Variants in AGTPBP1 observed in about 807,000 individuals in gnomAD.
AGTPBP1 encodes the protein cytosolic carboxypeptidase 1.
In AGTPBP1, 70 loss-of-function variants were observed where a neutral mutation model predicts 143.9. That is an observed-to-expected ratio of 0.49 (90% CI 0.40 to 0.59). The LOEUF is 0.59. Ranked by LOEUF, AGTPBP1 falls within the 20% of genes least tolerant of loss-of-function variation. The pLI is 0.00. For synonymous variants in AGTPBP1, 463 were observed against 500.2 expected, an observed-to-expected ratio of 0.93 and a Z score of 0.99; for missense variants, 1,229 against 1,464.5, an observed-to-expected ratio of 0.84 and a Z score of 2.62.
intron 25 of AGTPBP1, among the ~76,000 whole-genome samples, chr9:85,573,539 T>C (rs558163842): frequency 1.3e-5 from 2 of 152,160 alleles, no homozygotes; most frequent in East Asian, 3.9e-4. Context: ...GTCTGGGAAG[T>C]GAGGAGCGTC....
chr9:85,781,181 A>G, the AGTPBP1 span: 56 of 1,472,230 alleles, frequency 3.8e-5, no homozygotes, highest in Non-Finnish European at 5.0e-5. Context: ...CTGATTTTAA[A>G]TGCAAATTTT....
the AGTPBP1 span, among the ~76,000 whole-genome samples, chr9:85,795,656 G>A: frequency 1.3e-5 from 2 of 152,122 alleles, no homozygotes; most frequent in African/African-American, 4.8e-5. Context: ...TACTGTGGGA[G>A]TATGGAGGAA....
At chr9:85,805,424 T>C in the AGTPBP1 span, 2 of 152,260 alleles carry the variant, frequency 1.3e-5, no homozygotes, top group African/African-American at 2.4e-5. Flanking sequence ...GACCCGTTAG[T>C]GCCCAGCCTG....
At chr9:85,616,525 TA>T (rs922434592) in intron 17 of AGTPBP1, among the ~76,000 whole-genome samples, 1 of 151,964 alleles carries the variant, frequency 6.6e-6, no homozygotes, top group African/African-American at 2.4e-5. Flanking sequence ...ATATAGTTAG[TA>T]AAAATGCAAT....
At chr9:85,657,356 T>G (rs1833585695) in intron 10 of AGTPBP1, 79 bp downstream of exon 10, 1 of 1,235,566 alleles carries the variant, frequency 8.1e-7, no homozygotes, top group African/African-American at 1.5e-5. Context: ...TCTGAGTATT[T>G]GCACACTAAT....
At chr9:85,558,667 A>G (rs1041966415) in intron 25 of AGTPBP1, among the ~76,000 whole-genome samples, 1 of 152,264 alleles carries the variant, frequency 6.6e-6, no homozygotes. Flanking sequence ...AGGCTGGAGT[A>G]CAATACAACG....
the AGTPBP1 span, among the ~76,000 whole-genome samples, chr9:85,784,875 T>C: frequency 2.6e-5 from 4 of 152,232 alleles, no homozygotes; most frequent in East Asian, 1.9e-4. Flanking sequence ...TTAACTCTTA[T>C]AGTTTTTCTA....
intron 10 of AGTPBP1, among the ~76,000 whole-genome samples, chr9:85,656,591 A>G (rs62569181): frequency 0.017 from 2,531 of 152,220 alleles, 25 homozygotes; most frequent in Middle Eastern, 0.051. Flanking sequence ...CTTTCTAATA[A>G]TTATAGCTTT....
chr9:85,580,330 T>C (rs1282009879), intron 23 of AGTPBP1, among the ~76,000 whole-genome samples: 2 of 152,216 alleles, frequency 1.3e-5, no homozygotes, highest in East Asian at 1.9e-4. Flanking sequence ...TTTATCATAT[T>C]TGTTAATTTC....
intron 8 of AGTPBP1, among the ~76,000 whole-genome samples, chr9:85,667,270 G>C (rs577966949): frequency 6.6e-6 from 1 of 152,056 alleles, no homozygotes; most frequent in Non-Finnish European, 1.5e-5. Context: ...ATAGTCATAT[G>C]TGCAAGTAAG....
chr9:85,660,708 T>C (rs899439611), intron 9 of AGTPBP1, among the ~76,000 whole-genome samples: 2 of 152,154 alleles, frequency 1.3e-5, no homozygotes, highest in Non-Finnish European at 2.9e-5. Context: ...TCAATGTGCT[T>C]GACTAAATTA....
rs1397852452 is a variant in AGTPBP1 at position 85,585,446 on chromosome 9, T to A, written c.3165+17A>T. On this transcript the variant is annotated intron_variant, in intron 23 of 25. Coordinates refer to ENST00000357081, the MANE Select transcript of AGTPBP1 (RefSeq NM_001330701.2). ...TGTTTGAAATTCAAAAACTTATGAA[T>A]CATCTGTAATAATTACCCTGTATCC... The A allele has an allele frequency of 6.4e-7, 1 of 1,562,708 alleles. No homozygotes were observed. The highest frequency in any genetic ancestry group is 8.6e-7 in the Non-Finnish European group (1 of 1,156,172).
chr9:85,721,361 A>G (rs562389428), intron 1 of AGTPBP1, among the ~76,000 whole-genome samples: 1 of 152,218 alleles, frequency 6.6e-6, no homozygotes, highest in African/African-American at 2.4e-5. Context: ...TTGGGTGCAT[A>G]TATATTTAGG....
At chr9:85,681,756 T>G (rs1172352910) in intron 3 of AGTPBP1, among the ~76,000 whole-genome samples, 2 of 146,940 alleles carry the variant, frequency 1.4e-5, no homozygotes, top group Non-Finnish European at 3.0e-5. Context: ...TTTTTTTTTT[T>G]TTTTTTTTTT....
chr9:85,581,851 T>C (rs1828282827), intron 23 of AGTPBP1, among the ~76,000 whole-genome samples: 2 of 152,296 alleles, frequency 1.3e-5, no homozygotes, highest in South Asian at 4.1e-4. Flanking sequence ...AATTCCAAAA[T>C]TTTTTGAATG....
intron 25 of AGTPBP1, among the ~76,000 whole-genome samples, chr9:85,547,955 T>C (rs1339162157): frequency 1.3e-5 from 2 of 152,226 alleles, no homozygotes; most frequent in African/African-American, 4.8e-5. Flanking sequence ...GGTTCTGTAA[T>C]GTATTCTTTC....
chr9:85,674,856 C>CA (rs1274463250), intron 6 of AGTPBP1, among the ~76,000 whole-genome samples: 1 of 152,152 alleles, frequency 6.6e-6, no homozygotes, highest in East Asian at 1.9e-4. Context: ...GCCAAATACT[C>CA]AAAGTTTAAA....
chr9:85,709,181 C>A (rs1285439676), intron 2 of AGTPBP1, among the ~76,000 whole-genome samples: 1 of 152,122 alleles, frequency 6.6e-6, no homozygotes, highest in Non-Finnish European at 1.5e-5. Flanking sequence ...ATTTGAACAT[C>A]ATTCAATATA....
At chr9:85,770,403 C>G in the AGTPBP1 span, 127 of 1,604,456 alleles carry the variant, frequency 7.9e-5, 2 homozygotes, top group South Asian at 1.3e-3. Context: ...TCCATAACCT[C>G]TCTCGTGGTG....
Sources: allele counts gnomAD v4.1 joint callset (sites outside exome capture counted in the v4.1 genomes callset), GRCh38; gene constraint gnomAD v4.1.1; transcripts MANE v1.5; gene names NCBI Gene and HGNC (gene_info 2026-07-23, HGNC 2026-07-21).